The following PLCL1 variants were observed in gnomAD, a reference collection of about 807,000 sequenced individuals.
PLCL1 encodes the protein inactive phospholipase C-like protein 1.
In PLCL1, 41 loss-of-function variants were observed where a neutral mutation model predicts 84.4. The observed-to-expected ratio is 0.49, with a 90% confidence interval of 0.38 to 0.63. The LOEUF is 0.63. Ranked by LOEUF, PLCL1 falls within the 30% of genes least tolerant of loss-of-function variation. The pLI is 0.00. For missense variants in PLCL1, 1,206 were observed against 1,367.8 expected (o/e 0.88, Z 1.87); for synonymous variants, 490 against 488.3 (o/e 1.00, Z -0.05).
intron 5 of PLCL1, among the ~76,000 whole-genome samples, chr2:198,115,285 C>G (rs1693717913): frequency 1.3e-5 from 2 of 151,804 alleles, no homozygotes; most frequent in African/African-American, 4.8e-5. Flanking sequence ...ATATTTTCTC[C>G]AGATTGGTTA....
At chr2:197,950,900 G>A (rs1056989726) in intron 1 of PLCL1, among the ~76,000 whole-genome samples, 3 of 152,050 alleles carry the variant, frequency 2.0e-5, no homozygotes, top group African/African-American at 7.2e-5. Flanking sequence ...GTTATCTGAG[G>A]CCAGAATTAG....
intron 1 of PLCL1, among the ~76,000 whole-genome samples, chr2:197,828,940 C>A (rs1325757401): frequency 6.6e-6 from 1 of 152,038 alleles, no homozygotes; most frequent in Non-Finnish European, 1.5e-5. Flanking sequence ...TGCCATATAG[C>A]ACAAAGCATG....
chr2:198,048,393 C>T (rs947571661), intron 1 of PLCL1, among the ~76,000 whole-genome samples: 2 of 152,136 alleles, frequency 1.3e-5, no homozygotes, highest in Non-Finnish European at 2.9e-5. Context: ...TATAAGGGCA[C>T]TGTATTAGTC....
intron 1 of PLCL1, among the ~76,000 whole-genome samples, chr2:197,986,342 T>A (rs1466656127): frequency 6.6e-6 from 1 of 152,162 alleles, no homozygotes; most frequent in East Asian, 1.9e-4. Flanking sequence ...TTCCACTTAA[T>A]TTAATCATTT....
intron 1 of PLCL1, among the ~76,000 whole-genome samples, chr2:197,957,386 G>A (rs1045050528): frequency 6.6e-6 from 1 of 152,038 alleles, no homozygotes; most frequent in Non-Finnish European, 1.5e-5. Context: ...ATTGCTAGTT[G>A]AATGGGCCAG....
intron 1 of PLCL1, among the ~76,000 whole-genome samples, chr2:197,808,560 T>G (rs1690526133): frequency 6.6e-6 from 1 of 152,240 alleles, no homozygotes; most frequent in African/African-American, 2.4e-5. Flanking sequence ...AAATGTTTTA[T>G]ATTGAGAGAA....
At chr2:198,138,611 T>C (rs773523731) in intron 5 of PLCL1, among the ~76,000 whole-genome samples, 2 of 152,182 alleles carry the variant, frequency 1.3e-5, no homozygotes, top group Non-Finnish European at 2.9e-5. Context: ...TATTGAGAGG[T>C]AAGTCTAAAT....
intron 1 of PLCL1, among the ~76,000 whole-genome samples, chr2:197,854,957 C>T (rs2105686514): frequency 6.6e-6 from 1 of 152,238 alleles, no homozygotes; most frequent in African/African-American, 2.4e-5. Flanking sequence ...ACAGCTTGTC[C>T]TGTGGTCATT....
At chr2:197,832,479 C>T (rs1187602263) in intron 1 of PLCL1, among the ~76,000 whole-genome samples, 1 of 152,102 alleles carries the variant, frequency 6.6e-6, no homozygotes, top group Non-Finnish European at 1.5e-5. Flanking sequence ...CCTGAATAGA[C>T]CAATAAGTTC....
chr2:198,064,215 A>T (rs1692272904), intron 1 of PLCL1, among the ~76,000 whole-genome samples: 2 of 152,096 alleles, frequency 1.3e-5, no homozygotes, highest in African/African-American at 4.8e-5. Context: ...CAAAACTAAA[A>T]CATAAGTCCC....
intron 1 of PLCL1, among the ~76,000 whole-genome samples, chr2:197,923,294 G>T (rs1484343663): frequency 1.4e-5 from 2 of 147,274 alleles, no homozygotes; most frequent in South Asian, 2.2e-4. Flanking sequence ...GGTGGCTGCC[G>T]GGCGGAGACG....
At chr2:198,071,560 C>T (rs1227298678) in intron 1 of PLCL1, among the ~76,000 whole-genome samples, 3 of 151,562 alleles carry the variant, frequency 2.0e-5, no homozygotes, top group Non-Finnish European at 4.4e-5. Flanking sequence ...TATATATATA[C>T]ATAATGTATA....
At chr2:197,904,557 T>C (rs867144674) in intron 1 of PLCL1, among the ~76,000 whole-genome samples, 17 of 152,292 alleles carry the variant, frequency 1.1e-4, no homozygotes, top group Middle Eastern at 3.4e-3. Flanking sequence ...CTACAGTATA[T>C]GACTTTAACT....
intron 5 of PLCL1, among the ~76,000 whole-genome samples, chr2:198,106,063 T>C (rs750417786): frequency 3.3e-5 from 5 of 151,942 alleles, no homozygotes; most frequent in Non-Finnish European, 7.4e-5. Context: ...GAGGTTTATA[T>C]GAATTAACAA....
At chr2:197,821,121 C>T (rs1046223375) in intron 1 of PLCL1, among the ~76,000 whole-genome samples, 3 of 152,090 alleles carry the variant, frequency 2.0e-5, no homozygotes, top group Non-Finnish European at 4.4e-5. Flanking sequence ...TTCCCCCTAT[C>T]ATTTGGGTCT....
rs377704772 is a variant in PLCL1, at chr2:198,085,697, T to C, written c.2180T>C (p.Ile727Thr). Residue 727 changes from isoleucine (I) to threonine (T), a missense_variant, in exon 2 of 6, where the codon ATC becomes ACC. Coordinates refer to ENST00000428675, the MANE Select transcript of PLCL1 (RefSeq NM_006226.4). This position sits in a 1 kb window ranked among gnomAD's most constrained non-coding sequence, Gnocchi z 5.3. ...TCTCCTCTAGCTCTTCATATCAAGA[T>C]CATCAGTGGTCAGAATTTCCCAAAG... ...GVSPLALHIK[I>T]ISGQNFPKPK... The C allele has an allele frequency of 1.2e-6, 2 of 1,614,092 alleles. No individual in the cohort carries two copies. Among genetic ancestry groups the C allele is most frequent in the Admixed American group, 3.3e-5 (2 of 60,012 alleles).
In PLCL1 at chr2:198,149,799, G is replaced by A. The variant is rs377584797; in HGVS notation, c.*2837G>A. ...TTATATAAACTGTTTGTAGCAGGGT[G>A]TTTAAAATTTTAACAATATGTTATG... is the stretch of plus-strand genomic sequence containing the variant. On this transcript the variant is annotated 3_prime_UTR_variant, in exon 6 of 6. Coordinates refer to ENST00000428675, the MANE Select transcript of PLCL1 (RefSeq NM_006226.4). 6.6e-6 allele frequency: 1 copy of A among 152,064 alleles called. No homozygotes were observed. The highest frequency in any genetic ancestry group is 2.4e-5 in the African/African-American group (1 of 41,394). 9.4% of individuals were successfully genotyped at this position (152,064 alleles called of 1,614,324 possible).
chr2:197,880,432 GA>G (rs1234111670), intron 1 of PLCL1, among the ~76,000 whole-genome samples: 1 of 152,052 alleles, frequency 6.6e-6, no homozygotes, highest in Non-Finnish European at 1.5e-5. Flanking sequence ...ATTTTTATGT[GA>G]AAAGTAAAAA....
At chr2:198,078,205 CT>C (rs942486565) in intron 1 of PLCL1, among the ~76,000 whole-genome samples, 71 of 152,250 alleles carry the variant, frequency 4.7e-4, no homozygotes, top group African/African-American at 1.6e-3. Context: ...CCTCCAAACT[CT>C]GTAATGTGCT....
Sources: gnomAD v4.1 joint callset for allele counts (sites outside exome capture counted in the v4.1 genomes callset) on GRCh38, gnomAD v4.1.1 for gene constraint, Gnocchi (gnomAD v3.1) non-coding constraint, MANE v1.5 for transcripts, NCBI Gene and HGNC (gene_info 2026-07-23, HGNC 2026-07-21) for gene names.